The following OPCML variants were observed in gnomAD, a reference collection of about 807,000 sequenced individuals.
The protein encoded by OPCML is opioid binding protein/cell adhesion molecule like.
OPCML carries 13 observed loss-of-function variants against 37.8 expected under a neutral mutation model. That is an observed-to-expected ratio of 0.34 (90% confidence interval 0.22 to 0.55). OPCML has a LOEUF of 0.55. OPCML is among the 20% of genes least tolerant of loss of function. The pLI, the probability that OPCML is intolerant of heterozygous loss-of-function variation, is 0.91. For synonymous variants in OPCML, 176 were observed against 168.8 expected (o/e 1.04, Z -0.33); for missense variants, 341 against 435.6 (o/e 0.78, Z 1.93).
chr11:133,502,508 G>A (rs931541317), intron 1 of OPCML, among the ~76,000 whole-genome samples: 11 of 152,238 alleles, frequency 7.2e-5, no homozygotes, highest in African/African-American at 2.7e-4. Flanking sequence ...AGTGAGCTGG[G>A]TGGAGGGACG....
At chr11:132,600,089 G>C (rs1937748236) in intron 3 of OPCML, among the ~76,000 whole-genome samples, 1 of 152,204 alleles carries the variant, frequency 6.6e-6, no homozygotes, top group African/African-American at 2.4e-5. Flanking sequence ...TAGCTGTGGG[G>C]TGTCCTTCTG....
chr11:133,337,447 C>T (rs896442913), intron 1 of OPCML, among the ~76,000 whole-genome samples: 10 of 152,190 alleles, frequency 6.6e-5, no homozygotes, highest in Admixed American at 5.2e-4. Flanking sequence ...TCGCAGGATC[C>T]GCTGCAGGGC....
intron 1 of OPCML, among the ~76,000 whole-genome samples, chr11:133,525,061 C>T (rs1448154636): frequency 1.3e-5 from 2 of 152,190 alleles, no homozygotes; most frequent in Non-Finnish European, 2.9e-5. Context: ...GTGGTCTCTG[C>T]CTGTATAAAC....
chr11:132,436,071 G>T lies in OPCML; in HGVS notation c.916+15C>A. The T allele has an allele frequency of 4.4e-6, 7 of 1,606,582 alleles. No individual in the cohort carries two copies. The highest frequency in any genetic ancestry group is 6.0e-6 in the Non-Finnish European group (7 of 1,175,516). Reference sequence around the variant, plus strand: ...ATGTGGCTGAGCCCACTGCATCCAGGCTTCCAGCACTCACCATACAATGTG... The same window carrying T: ...ATGTGGCTGAGCCCACTGCATCCAGTCTTCCAGCACTCACCATACAATGTG... On this transcript the variant is annotated intron_variant, in intron 7 of 7. Transcript: ENST00000524381.
chr11:133,188,594 G>GA (rs1057440941), intron 1 of OPCML, among the ~76,000 whole-genome samples: 2 of 152,070 alleles, frequency 1.3e-5, no homozygotes, highest in Admixed American at 6.6e-5. Flanking sequence ...AGATGCAGGA[G>GA]AAAAAACCCA....
At chr11:132,968,486 TG>T (rs796989579) in intron 1 of OPCML, among the ~76,000 whole-genome samples, 20 of 152,264 alleles carry the variant, frequency 1.3e-4, no homozygotes, top group African/African-American at 4.8e-4. Context: ...ATCTTTTTTT[TG>T]TCTTTTTTCT....
intron 1 of OPCML, among the ~76,000 whole-genome samples, chr11:133,464,218 T>C (rs1946924988): frequency 6.6e-6 from 1 of 152,182 alleles, no homozygotes; most frequent in South Asian, 2.1e-4. Context: ...AACTCCAACA[T>C]TTAAAGTATT....
chr11:133,505,374 G>C (rs1042116412), intron 1 of OPCML, among the ~76,000 whole-genome samples: 13 of 152,182 alleles, frequency 8.5e-5, no homozygotes, highest in Non-Finnish European at 1.5e-4. Flanking sequence ...CTCTCCATGG[G>C]GAGAAAGCCC....
intron 2 of OPCML, among the ~76,000 whole-genome samples, chr11:132,765,229 G>A (rs570357531): frequency 6.6e-6 from 1 of 152,216 alleles, no homozygotes; most frequent in African/African-American, 2.4e-5. Flanking sequence ...TCTTGTTTCT[G>A]TTCTTAGTTG....
chr11:132,989,730 C>T (rs892835826), intron 1 of OPCML, among the ~76,000 whole-genome samples: 1 of 151,722 alleles, frequency 6.6e-6, no homozygotes, highest in African/African-American at 2.4e-5. Flanking sequence ...ACATAGAATA[C>T]TGAGAGTGTA....
chr11:132,880,516 G>A (rs1943188091), intron 2 of OPCML, among the ~76,000 whole-genome samples: 1 of 152,236 alleles, frequency 6.6e-6, no homozygotes, highest in African/African-American at 2.4e-5. Context: ...CAACTATCCA[G>A]ATGCTGAAAA....
At chr11:133,334,141 G>A (rs1943688171) in intron 1 of OPCML, among the ~76,000 whole-genome samples, 1 of 152,030 alleles carries the variant, frequency 6.6e-6, no homozygotes, top group Non-Finnish European at 1.5e-5. Context: ...CCCATTACTG[G>A]GTATATACCC....
intron 2 of OPCML, among the ~76,000 whole-genome samples, chr11:132,760,685 T>C (rs910047733): frequency 6.6e-6 from 1 of 152,026 alleles, no homozygotes; most frequent in African/African-American, 2.4e-5. Flanking sequence ...ATTTTGAGCC[T>C]ATGTGTGTCT....
intron 4 of OPCML, among the ~76,000 whole-genome samples, chr11:132,447,666 A>G (rs2096058975): frequency 6.6e-6 from 1 of 152,208 alleles, no homozygotes; most frequent in Non-Finnish European, 1.5e-5. Flanking sequence ...GGTCTGGATC[A>G]TAAACCAGGT....
intron 1 of OPCML, among the ~76,000 whole-genome samples, chr11:132,991,402 C>A (rs1339973821): frequency 6.6e-6 from 1 of 152,162 alleles, no homozygotes. Flanking sequence ...CTCAATAATG[C>A]ATTTTCACCT....
intron 2 of OPCML, among the ~76,000 whole-genome samples, chr11:132,731,415 C>T (rs1945071207): frequency 6.6e-6 from 1 of 152,194 alleles, no homozygotes; most frequent in African/African-American, 2.4e-5. Context: ...AAGCTTGGTT[C>T]TCTTAGATAA....
At position 132,715,195 on chromosome 11, in the gene OPCML, C is replaced by A. The variant is rs372381932; in HGVS notation, c.147-57876G>T. ...AATAGCAAGACAGAGTCTAGCTCAG[C>A]GCTGGCTTTTCACTGGGAATAGTTT... On this transcript the variant is annotated intron_variant, in intron 2 of 7. Transcript: ENST00000524381. Among the ~76,000 whole-genome samples, 23 of 152,294 alleles carry A rather than the reference C, an allele frequency of 1.5e-4. No individual in the cohort carries two copies. In the South Asian group the frequency reaches 3.3e-3, roughly 22 times the overall value.
At chr11:132,782,943 A>ATG (rs1380552119) in intron 2 of OPCML, among the ~76,000 whole-genome samples, 70 of 140,566 alleles carry the variant, frequency 5.0e-4, no homozygotes, top group Admixed American at 1.1e-3. Context: ...ATATATATAT[A>ATG]TATGTATGTA....
At chr11:132,603,376 A>G (rs1938057655) in intron 3 of OPCML, among the ~76,000 whole-genome samples, 1 of 152,186 alleles carries the variant, frequency 6.6e-6, no homozygotes. Context: ...TATCTTCTGC[A>G]GCTCCTTGCT....
Sources: gnomAD v4.1 joint callset for allele counts (sites outside exome capture counted in the v4.1 genomes callset) on GRCh38, gnomAD v4.1.1 for gene constraint, MANE v1.5 for transcripts, NCBI Gene and HGNC (gene_info 2026-07-23, HGNC 2026-07-21) for gene names.